Variants in ZNF536 observed in about 807,000 individuals in gnomAD.
The protein encoded by ZNF536 is zinc finger protein 536.
In ZNF536, 13 loss-of-function variants were observed where a neutral mutation model predicts 84.5. That is an observed-to-expected ratio of 0.15 (90% CI 0.10 to 0.24). ZNF536 has a LOEUF of 0.24. ZNF536 is among the 10% of genes least tolerant of loss of function. The pLI is 1.00. For synonymous variants in ZNF536, 811 were observed against 742.5 expected (o/e 1.09, Z -1.50); for missense variants, 1,536 against 1,747.5 (o/e 0.88, Z 2.16).
At chr19:30,424,421 G>A (rs2051123383) in intron 1 of ZNF536, among the ~76,000 whole-genome samples, 1 of 152,158 alleles carries the variant, frequency 6.6e-6, no homozygotes, top group South Asian at 2.1e-4. Flanking sequence ...AACACCCTGG[G>A]GCTCCCCTGT....
chr19:30,464,977 A>G (rs1419014260), intron 2 of ZNF536, among the ~76,000 whole-genome samples: 1 of 152,058 alleles, frequency 6.6e-6, no homozygotes, highest in Non-Finnish European at 1.5e-5. Flanking sequence ...GCCTGATGAG[A>G]ACTGGGGCCG....
chr19:30,388,953 T>A (rs2049462902), intron 1 of ZNF536, among the ~76,000 whole-genome samples: 1 of 152,228 alleles, frequency 6.6e-6, no homozygotes, highest in South Asian at 2.1e-4. Flanking sequence ...CCTGGAATTC[T>A]CCCCTACAAA....
At chr19:30,253,362 G>T (rs947801124) in intron 1 of ZNF536, among the ~76,000 whole-genome samples, 23 of 152,154 alleles carry the variant, frequency 1.5e-4, no homozygotes, top group African/African-American at 5.3e-4. Flanking sequence ...AAGAGACATA[G>T]AAAATTTAAG....
intron 1 of ZNF536, among the ~76,000 whole-genome samples, chr19:30,245,116 A>G (rs1599865616): frequency 6.6e-6 from 1 of 152,012 alleles, no homozygotes; most frequent in East Asian, 1.9e-4. Flanking sequence ...GCTCCATCCC[A>G]CTTGAGGGCC....
At chr19:30,680,495 A>T (rs2050925891) in intron 1 of ZNF536, among the ~76,000 whole-genome samples, 2 of 145,838 alleles carry the variant, frequency 1.4e-5, no homozygotes, top group Admixed American at 7.3e-5. Flanking sequence ...GAGTGAGAAT[A>T]TGCGGTGTTT....
At chr19:30,606,867 A>G (rs762868567) in intron 1 of ZNF536, among the ~76,000 whole-genome samples, 2 of 152,170 alleles carry the variant, frequency 1.3e-5, no homozygotes, top group African/African-American at 4.8e-5. Context: ...GTGGCTGCAT[A>G]GGAAGAGGGT....
intron 2 of ZNF536, among the ~76,000 whole-genome samples, chr19:30,308,356 T>G (rs1466507089): frequency 1.3e-5 from 2 of 152,198 alleles, no homozygotes; most frequent in Non-Finnish European, 2.9e-5. Flanking sequence ...TGAACATTTT[T>G]TTTTTCATGT....
At chr19:30,591,349 G>A (rs1308370419) in intron 1 of ZNF536, among the ~76,000 whole-genome samples, 2 of 152,168 alleles carry the variant, frequency 1.3e-5, no homozygotes, top group Admixed American at 6.5e-5. Flanking sequence ...AAGGCAAGAG[G>A]TTTAATGGAC....
intron 1 of ZNF536, among the ~76,000 whole-genome samples, chr19:30,427,952 C>A (rs1201981916): frequency 6.6e-6 from 1 of 152,162 alleles, no homozygotes; most frequent in Admixed American, 6.5e-5. Flanking sequence ...TGATTTGAGT[C>A]TTCTTGCTTT....
intron 1 of ZNF536, among the ~76,000 whole-genome samples, chr19:30,382,774 G>C (rs1196789642): frequency 6.6e-6 from 1 of 152,106 alleles, no homozygotes; most frequent in Non-Finnish European, 1.5e-5. Flanking sequence ...AGGATGGAGG[G>C]AAGGGCAGGT....
At chr19:30,313,911 G>A (rs999620441) in intron 2 of ZNF536, among the ~76,000 whole-genome samples, 3 of 152,188 alleles carry the variant, frequency 2.0e-5, no homozygotes, top group African/African-American at 7.2e-5. Flanking sequence ...CGCACTATGC[G>A]GACTTCAGAG....
chr19:30,553,664 G>C (rs889803783), intron 4 of ZNF536, among the ~76,000 whole-genome samples: 1 of 152,232 alleles, frequency 6.6e-6, no homozygotes, highest in South Asian at 2.1e-4. Flanking sequence ...TGAACTGGTA[G>C]CATCTGTAAG....
chr19:30,308,714 G>T (rs1020081417), intron 2 of ZNF536, among the ~76,000 whole-genome samples: 1 of 152,156 alleles, frequency 6.6e-6, no homozygotes, highest in African/African-American at 2.4e-5. Context: ...TCTCCAGACA[G>T]CTTGGGAACT....
chr19:30,435,218 G>GTGA (rs2051678350), intron 1 of ZNF536, among the ~76,000 whole-genome samples: 2 of 149,716 alleles, frequency 1.3e-5, no homozygotes, highest in Admixed American at 6.7e-5. Flanking sequence ...GATGATGATG[G>GTGA]TGATGATGGT....
intron 2 of ZNF536, among the ~76,000 whole-genome samples, chr19:30,326,686 G>A (rs1052505649): frequency 1.1e-4 from 16 of 148,956 alleles, no homozygotes; most frequent in African/African-American, 3.7e-4. Flanking sequence ...GCACGAATGT[G>A]CCTCCCCATC....
At chr19:30,652,712 T>C (rs1264478414) in intron 1 of ZNF536, among the ~76,000 whole-genome samples, 2 of 152,180 alleles carry the variant, frequency 1.3e-5, no homozygotes, top group African/African-American at 4.8e-5. Context: ...ATGCAACTTC[T>C]AGTTTCGTAG....
chr19:30,447,250 C>G (rs2052395949), intron 2 of ZNF536, among the ~76,000 whole-genome samples: 1 of 152,178 alleles, frequency 6.6e-6, no homozygotes, highest in Non-Finnish European at 1.5e-5. Flanking sequence ...ATCTTGGAGG[C>G]AATTCACTGC....
At chr19:30,343,477 A>G (rs1437090140) in intron 2 of ZNF536, among the ~76,000 whole-genome samples, 1 of 152,102 alleles carries the variant, frequency 6.6e-6, no homozygotes, top group Non-Finnish European at 1.5e-5. Context: ...AGGGGCCTTG[A>G]CCTGGGTGAG....
At chr19:30,229,049 G>T (rs2022810759) in intron 1 of ZNF536, among the ~76,000 whole-genome samples, 1 of 152,100 alleles carries the variant, frequency 6.6e-6, no homozygotes, top group South Asian at 2.1e-4. Context: ...GCCGGCTGCT[G>T]GTCGCGCCGC....
Sources: allele counts gnomAD v4.1 joint callset (sites outside exome capture counted in the v4.1 genomes callset), GRCh38; gene constraint gnomAD v4.1.1; transcripts MANE v1.5; gene names NCBI Gene and HGNC (gene_info 2026-07-23, HGNC 2026-07-21).